The following CLSPN variants were observed in gnomAD, a reference collection of about 807,000 sequenced individuals.
CLSPN encodes claspin, also known as claspin homolog.
Under a neutral mutation model 156.3 loss-of-function variants are expected in CLSPN, and 85 were observed. The observed-to-expected ratio is 0.54, with a 90% confidence interval of 0.46 to 0.65. CLSPN has a LOEUF of 0.65. Among genes scored for constraint, CLSPN ranks in the 30% least tolerant of loss-of-function variants. CLSPN has a pLI of 0.00. For missense variants in CLSPN, 1,407 were observed against 1,554.9 expected, an observed-to-expected ratio of 0.90 and a Z score of 1.60; for synonymous variants, 534 against 542.4, an observed-to-expected ratio of 0.98 and a Z score of 0.22.
intron 24 of CLSPN, among the ~76,000 whole-genome samples, chr1:35,722,490 T>G (rs2148605315): frequency 6.6e-6 from 1 of 152,212 alleles, no homozygotes. Context: ...CATCAGGTGA[T>G]CTGCCTGCCT....
intron 1 of CLSPN, among the ~76,000 whole-genome samples, chr1:35,765,587 C>A (rs1391828138): frequency 6.6e-6 from 1 of 152,050 alleles, no homozygotes. Context: ...ATTTATTATG[C>A]CTTTTCTGTG....
In CLSPN at chr1:35,749,698, A is replaced by G. The variant is rs778141173; in HGVS notation, c.2142T>C (p.Ser714=). The G allele has an allele frequency of 1.2e-6, 2 of 1,614,194 alleles. No individual in the cohort carries two copies. Among genetic ancestry groups the G allele is most frequent in the Non-Finnish European group, 1.7e-6 (2 of 1,180,008 alleles). ...SEIGKAVGFL[S]VPKSLSSDST... ...AATCTGATGAGAGAGACTTGGGAAC[A>G]GAGAGGAAGCCAACTGCCTTGCCAA... Residue 714 remains serine, a synonymous_variant, in exon 11 of 25, where the codon TCT becomes TCC. Coordinates refer to ENST00000318121, the MANE Select transcript of CLSPN (RefSeq NM_022111.4).
rs750131235 is a variant in CLSPN at position 35,769,914 on chromosome 1, T to C, written c.-44A>G. ...GCTCCACTAGGGACGGAGCTGTCTC[T>C]GATTCCCTCAGCCGGAGAGCAGCGG... is the stretch of plus-strand genomic sequence containing the variant. On this transcript the variant is annotated 5_prime_UTR_variant, in exon 1 of 25. Transcript: ENST00000318121. 6 of 1,603,550 alleles carry C rather than the reference T, an allele frequency of 3.7e-6. No individual in the cohort carries two copies. Among genetic ancestry groups the C allele is most frequent in the Non-Finnish European group, 5.1e-6 (6 of 1,174,620 alleles).
In CLSPN at chr1:35,751,413, A is replaced by G; in HGVS notation, c.1865T>C (p.Leu622Ser). 6.2e-7 allele frequency: 1 copy of G among 1,613,832 alleles called. No homozygotes were observed. Among genetic ancestry groups the G allele is most frequent in the Non-Finnish European group, 8.5e-7 (1 of 1,179,980 alleles). The change falls in exon 10 of 25, where the codon TTA becomes TCA. Residue 622 changes from leucine to serine, a missense_variant. This residue lies in a region of CLSPN where 1,096 missense variants were observed against 1,193.0 expected (regional missense o/e 0.92). Coordinates refer to ENST00000318121, the MANE Select transcript of CLSPN (RefSeq NM_022111.4). ...ERQKRQALFKLDNEDGFEEEE... is the reference protein window; with the variant it reads ...ERQKRQALFKSDNEDGFEEEE... ...TTCCTCAAACCCATCTTCATTATCTAATTTAAACAGTGCTTGGCGCTTCTG... is the reference window on the plus strand; with the variant it reads ...TTCCTCAAACCCATCTTCATTATCTGATTTAAACAGTGCTTGGCGCTTCTG...
Position 35,735,090 on chromosome 1 carries a change from A to G in CLSPN, c.*1406T>C. ...TGTAAGCCAGAAGAATGCAATAAAT[A>G]AGGGTTATGTTTCTTCTTGTCAGAC... is the stretch of plus-strand genomic sequence containing the variant. On this transcript the variant is annotated 3_prime_UTR_variant, in exon 25 of 25. Transcript: ENST00000318121. 2 of 985,444 alleles carry G rather than the reference A, an allele frequency of 2.0e-6. No individual in the cohort carries two copies. The highest frequency in any genetic ancestry group is 2.4e-6 in the Non-Finnish European group (2 of 829,946). The allele number at this position is 985,444 out of a possible 1,614,324, so 61.0% of individuals were successfully genotyped here.
chr1:35,764,912 T>C (rs950065280), intron 2 of CLSPN, among the ~76,000 whole-genome samples, 198 bp from the exon 3 acceptor site: 3 of 152,216 alleles, frequency 2.0e-5, no homozygotes, highest in African/African-American at 7.2e-5. Context: ...TGTCTCTTAC[T>C]GGGAAATGTA....
rs550575673 is a variant in CLSPN at position 35,747,183 on chromosome 1, G to T, written c.2628-191C>A. Among the ~76,000 whole-genome samples the T allele has an allele frequency of 1.2e-4, 19 of 152,208 alleles. No homozygotes were observed. The South Asian group carries it at 3.7e-3, about 30-fold the overall frequency. ...TAAAAATACAAAAAATTAGCCGGGC[G>T]TGGTGGTGGGCGCCTGTAGTCCCAG... is the stretch of plus-strand genomic sequence containing the variant. On this transcript the variant is annotated intron_variant, in intron 14 of 24. Coordinates refer to ENST00000318121, the MANE Select transcript of CLSPN (RefSeq NM_022111.4).
rs1179864151 is a variant in CLSPN at position 35,739,277 on chromosome 1, G to A, written c.3309-20C>T. On this transcript the variant is annotated intron_variant, in intron 19 of 24. Transcript: ENST00000318121. The stretch of plus-strand genomic sequence containing the variant: ...GTTTTCCTGCAACAGGAGAAATAAG[G>A]TGTTCAAAACAAGGACCATTCTGGC... 3 of 1,614,012 alleles carry A rather than the reference G, an allele frequency of 1.9e-6. No homozygotes were observed. Among genetic ancestry groups the A allele is most frequent in the East Asian group, 2.2e-5 (1 of 44,898 alleles).
Position 35,732,342 on chromosome 1 carries a change from A to G in CLSPN, c.*4154T>C. 1.0e-6 allele frequency: 1 copy of G among 985,414 alleles called. No homozygotes were observed. Among genetic ancestry groups the G allele is most frequent in the Non-Finnish European group, 1.2e-6 (1 of 829,932 alleles). The allele number at this position is 985,414 out of a possible 1,614,324, so 61.0% of individuals were successfully genotyped here. A position where few individuals can be genotyped will look rare whatever the true frequency, so the allele number is the denominator to read the frequency against. ...GTGATTAGACATAACCCTAGGAGATAAAAACCAAAAACACCCCCTAAAAAG... is the reference window on the plus strand; with the variant it reads ...GTGATTAGACATAACCCTAGGAGATGAAAACCAAAAACACCCCCTAAAAAG... On this transcript the variant is annotated 3_prime_UTR_variant, in exon 25 of 25. Coordinates refer to ENST00000318121, the MANE Select transcript of CLSPN (RefSeq NM_022111.4).
At chr1:35,763,134 T>A in intron 4 of CLSPN, 26 bp downstream of exon 4, 1 of 1,518,474 alleles carries the variant, frequency 6.6e-7, no homozygotes. Context: ...GTTGATTAAC[T>A]CTTATTGCAA....
chr1:35,764,531 G>A lies in CLSPN; in HGVS notation c.317C>T (p.Thr106Ile). The A allele has an allele frequency of 6.2e-7, 1 of 1,613,838 alleles. No homozygotes were observed. Among genetic ancestry groups the A allele is most frequent in the Non-Finnish European group, 8.5e-7 (1 of 1,179,954 alleles). The change falls in exon 3 of 25, where the codon ACT becomes ATT. Residue 106 changes from threonine to isoleucine, a missense_variant. Transcript: ENST00000318121. ...KNTKIKRIYK[T>I]VADSDESYME... Reference sequence around the variant, plus strand: ...GTAACTTTCATCACTGTCTGCCACAGTTTTGTAAATCCTTTTGATTTTTGT... The same window carrying A: ...GTAACTTTCATCACTGTCTGCCACAATTTTGTAAATCCTTTTGATTTTTGT...
chr1:35,743,890 G>A (rs1452559206), intron 16 of CLSPN, among the ~76,000 whole-genome samples: 2 of 152,076 alleles, frequency 1.3e-5, no homozygotes, highest in Non-Finnish European at 2.9e-5. Context: ...CCAAAGTACT[G>A]GGATTATAGG....
intron 1 of CLSPN, among the ~76,000 whole-genome samples, chr1:35,768,919 C>G (rs1264865234): frequency 1.3e-5 from 2 of 152,062 alleles, no homozygotes; most frequent in African/African-American, 4.8e-5. Context: ...AAATGAATAA[C>G]ATTAATGCAA....
At chr1:35,741,958 A>T (rs1350283757) in intron 18 of CLSPN, among the ~76,000 whole-genome samples, 2 of 119,742 alleles carry the variant, frequency 1.7e-5, no homozygotes, top group Non-Finnish European at 3.3e-5. Context: ...TGGGCGACAG[A>T]GCGAGACTCC....
At chr1:35,761,821 T>TA (rs1481432140) in intron 6 of CLSPN, among the ~76,000 whole-genome samples, 177 bp downstream of exon 6, 7 of 152,212 alleles carry the variant, frequency 4.6e-5, no homozygotes, top group Non-Finnish European at 5.9e-5. Context: ...TTCTTCAGTT[T>TA]ATACTAATGT....
chr1:35,722,253 CTTTTTTTTT>C (rs568124252), intron 24 of CLSPN, among the ~76,000 whole-genome samples: 3 of 124,652 alleles, frequency 2.4e-5, no homozygotes, highest in Non-Finnish European at 4.9e-5. Flanking sequence ...CTAGTTATTC[CTTTTTTTTT>C]TTTTTTTTTT....
downstream of CLSPN, among the ~76,000 whole-genome samples, chr1:35,729,972 G>C (rs1445228963): frequency 1.3e-5 from 2 of 151,706 alleles, no homozygotes; most frequent in African/African-American, 4.8e-5. Context: ...GAAAGAGCAA[G>C]GACTAAAGCT....
Position 35,751,223 on chromosome 1 carries a change from T to C in CLSPN, c.2028+27A>G, listed in dbSNP as rs761484084. The C allele has an allele frequency of 1.7e-5, 27 of 1,592,208 alleles. No individual in the cohort carries two copies. The South Asian group carries it at 2.8e-4, about 16-fold the overall frequency. ...TTCTCTCATATTCACCATGACAAGG[T>C]AACAAAACAACGTAATTGCCAGAAA... On this transcript the variant is annotated intron_variant, in intron 10 of 24. Coordinates refer to ENST00000318121, the MANE Select transcript of CLSPN (RefSeq NM_022111.4).
At chr1:35,737,591 A>G (rs1641521464) in intron 22 of CLSPN, 170 bp from the exon 23 acceptor site, 7 of 566,024 alleles carry the variant, frequency 1.2e-5, no homozygotes, top group Admixed American at 2.9e-5. Context: ...AAGAAGAGAC[A>G]CAACTAAGTT....
Sources: gnomAD v4.1 joint callset for allele counts (sites outside exome capture counted in the v4.1 genomes callset) on GRCh38, gnomAD v4.1.1 for gene constraint, gnomAD v4.1.1 regional missense constraint, MANE v1.5 for transcripts, NCBI Gene and HGNC (gene_info 2026-07-23, HGNC 2026-07-21) for gene names.